Variants in CSMD3 observed in about 807,000 individuals in gnomAD.
CSMD3 encodes the protein CUB and sushi domain-containing protein 3.
In CSMD3, 177 loss-of-function variants were observed where a neutral mutation model predicts 435.2. That is an observed-to-expected ratio of 0.41 (90% confidence interval 0.36 to 0.46). CSMD3 has a LOEUF of 0.46. Ranked by LOEUF, CSMD3 falls within the 20% of genes least tolerant of loss-of-function variation. The probability of loss-of-function intolerance (pLI) is 0.34; values close to 1 mark genes in which losing one functional copy is unlikely to be tolerated. For synonymous variants in CSMD3, 1,656 were observed against 1,520.5 expected (o/e 1.09, Z -2.07); for missense variants, 4,265 against 4,504.6 (o/e 0.95, Z 1.52).
At chr8:113,347,054 A>G (rs2094156434) in intron 1 of CSMD3, among the ~76,000 whole-genome samples, 1 of 152,020 alleles carries the variant, frequency 6.6e-6, no homozygotes, top group African/African-American at 2.4e-5. Flanking sequence ...GAAGTGTCTA[A>G]CAGTCCTCCA....
rs560274414 is a variant in CSMD3 at position 112,851,782 on chromosome 8, T to C, written c.1755+7363A>G. ...CCATCTCAAAAAAAAAAAAGACCTT[T>C]GAATCGTCAGCTTCAAGAACTACAC... On this transcript the variant is annotated intron_variant, in intron 11 of 70. Transcript: ENST00000297405. Among the ~76,000 whole-genome samples, 15 of 151,900 alleles carry C rather than the reference T, an allele frequency of 9.9e-5. No individual in the cohort carries two copies. In the South Asian group the frequency reaches 1.9e-3, roughly 19 times the overall value.
At chr8:113,096,411 T>C (rs1285332063) in intron 5 of CSMD3, among the ~76,000 whole-genome samples, 1 of 152,184 alleles carries the variant, frequency 6.6e-6, no homozygotes, top group Non-Finnish European at 1.5e-5. Context: ...TTCTATCATT[T>C]ATCTTGAAAA....
rs377455989 is a variant in CSMD3 at position 112,305,338 on chromosome 8, G to A, written c.8072-423C>T. 2.0e-5 allele frequency among the ~76,000 whole-genome samples: 3 copies of A among 152,064 alleles called. No individual in the cohort carries two copies. The South Asian group carries it at 6.2e-4, about 31-fold the overall frequency. The stretch of plus-strand genomic sequence containing the variant: ...AGAAGCCTTATTAGAAACCTATGCT[G>A]AGAGTGCGAACAACTTAACAATCTT... On this transcript the variant is annotated intron_variant, in intron 51 of 70. Coordinates refer to ENST00000297405, the MANE Select transcript of CSMD3 (RefSeq NM_198123.2).
At chr8:112,817,005 G>T (rs1255471508) in intron 12 of CSMD3, among the ~76,000 whole-genome samples, 1 of 151,950 alleles carries the variant, frequency 6.6e-6, no homozygotes, top group Non-Finnish European at 1.5e-5. Context: ...AATGAAGAAG[G>T]TTTAGATATC....
intron 1 of CSMD3, among the ~76,000 whole-genome samples, chr8:113,337,229 G>A (rs1243553277): frequency 6.6e-6 from 1 of 152,064 alleles, no homozygotes; most frequent in African/African-American, 2.4e-5. Flanking sequence ...TAGTCAATCT[G>A]CCTTTTTTCC....
At chr8:113,064,413 G>C (rs2088761221) in intron 5 of CSMD3, among the ~76,000 whole-genome samples, 1 of 151,990 alleles carries the variant, frequency 6.6e-6, no homozygotes, top group Admixed American at 6.6e-5. Flanking sequence ...CATGTTCACA[G>C]AGCAAGCAAA....
chr8:113,084,359 G>A (rs550007927), intron 5 of CSMD3, among the ~76,000 whole-genome samples: 31 of 151,706 alleles, frequency 2.0e-4, no homozygotes, highest in Admixed American at 7.9e-4. Flanking sequence ...TGTAATAGGC[G>A]CAAAAAAATA....
intron 4 of CSMD3, among the ~76,000 whole-genome samples, chr8:113,149,054 T>C (rs886885985): frequency 1.1e-4 from 17 of 151,710 alleles, no homozygotes; most frequent in Non-Finnish European, 2.4e-4. Flanking sequence ...AAAATGTGTA[T>C]TTTATGGAAT....
chr8:112,391,691 C>CAA (rs34187208), intron 35 of CSMD3, among the ~76,000 whole-genome samples: 133 of 141,520 alleles, frequency 9.4e-4, no homozygotes, highest in Admixed American at 1.8e-3. Flanking sequence ...GACTCCATCT[C>CAA]AAAAAAAAAA....
chr8:113,351,289 T>C (rs1160982816), intron 1 of CSMD3, among the ~76,000 whole-genome samples: 1 of 152,142 alleles, frequency 6.6e-6, no homozygotes, highest in Non-Finnish European at 1.5e-5. Flanking sequence ...CATAACAAGT[T>C]GTAAAGATAG....
chr8:112,229,110 G>C (rs1812842913), intron 69 of CSMD3, among the ~76,000 whole-genome samples: 3 of 152,178 alleles, frequency 2.0e-5, no homozygotes, highest in South Asian at 4.1e-4. Context: ...CAAAAAAATA[G>C]GCAGAGCCCC....
intron 32 of CSMD3, among the ~76,000 whole-genome samples, chr8:112,414,789 T>C (rs1292987015): frequency 6.6e-6 from 1 of 152,176 alleles, no homozygotes; most frequent in Non-Finnish European, 1.5e-5. Context: ...TTTTCTCAGA[T>C]GGAGATGAGA....
chr8:112,801,519 A>G (rs536956381), intron 12 of CSMD3, among the ~76,000 whole-genome samples: 2 of 152,212 alleles, frequency 1.3e-5, no homozygotes, highest in East Asian at 3.9e-4. Context: ...ATAATGCATC[A>G]TGGAACTTCA....
At chr8:113,107,417 T>C (rs2090511692) in intron 4 of CSMD3, among the ~76,000 whole-genome samples, 1 of 152,218 alleles carries the variant, frequency 6.6e-6, no homozygotes, top group Admixed American at 6.5e-5. Flanking sequence ...CCTTGAATAC[T>C]GTTATGCAAT....
At chr8:112,997,305 C>T (rs892411282) in intron 6 of CSMD3, among the ~76,000 whole-genome samples, 1 of 151,564 alleles carries the variant, frequency 6.6e-6, no homozygotes, top group Non-Finnish European at 1.5e-5. Flanking sequence ...TAACTAAAAA[C>T]TCAATTTCTA....
chr8:113,199,016 T>A (rs2092690100), intron 3 of CSMD3, among the ~76,000 whole-genome samples: 1 of 150,770 alleles, frequency 6.6e-6, no homozygotes, highest in African/African-American at 2.4e-5. Flanking sequence ...CTCATTATGC[T>A]AATTGGAAAC....
chr8:113,263,014 T>C (rs576449195), intron 3 of CSMD3, among the ~76,000 whole-genome samples: 17 of 152,190 alleles, frequency 1.1e-4, no homozygotes, highest in African/African-American at 3.6e-4. Context: ...TTTTTAAAGA[T>C]TTATTTTAAT....
chr8:113,278,533 GA>G, intron 3 of CSMD3, 58 bp downstream of exon 3: 7 of 814,964 alleles, frequency 8.6e-6, no homozygotes, highest in Non-Finnish European at 1.5e-5. Flanking sequence ...TTTCCTACTT[GA>G]AAAATTTTGT....
Position 113,070,106 on chromosome 8 carries a change from T to C in CSMD3, c.917+28650A>G, listed in dbSNP as rs141331960. Among the ~76,000 whole-genome samples the C allele has an allele frequency of 1.6e-3, 242 of 152,222 alleles. 2 individuals carry two copies. The highest frequency in any genetic ancestry group is 0.01 in the Middle Eastern group (3 of 294). ...TGCAGTAAGATAATTGTTACACTTC[T>C]AGCCACATTTAGCACTTTTTAGGCA... is the stretch of plus-strand genomic sequence containing the variant. On this transcript the variant is annotated intron_variant, in intron 5 of 70. Transcript: ENST00000297405.
Sources: allele counts gnomAD v4.1 joint callset (sites outside exome capture counted in the v4.1 genomes callset), GRCh38; gene constraint gnomAD v4.1.1; transcripts MANE v1.5; gene names NCBI Gene and HGNC (gene_info 2026-07-23, HGNC 2026-07-21).